The following ADGRB3 variants were observed in gnomAD, a reference collection of about 807,000 sequenced individuals.
The protein encoded by ADGRB3 is brain-specific angiogenesis inhibitor 3.
In ADGRB3, 37 loss-of-function variants were observed where a neutral mutation model predicts 193.4. The ratio of observed to expected loss-of-function variants is 0.19; its 90% confidence interval spans 0.15 to 0.25. The LOEUF is 0.25. Ranked by LOEUF, ADGRB3 falls within the 10% of genes least tolerant of loss-of-function variation. The probability of loss-of-function intolerance (pLI) is 1.00; values close to 1 mark genes in which losing one functional copy is unlikely to be tolerated. For synonymous variants in ADGRB3, 690 were observed against 644.2 expected, an observed-to-expected ratio of 1.07 and a Z score of -1.08; for missense variants, 1,637 against 1,852.9, an observed-to-expected ratio of 0.88 and a Z score of 2.14.
At chr6:69,331,969 T>A in intron 23 of ADGRB3, 2 of 985,338 alleles carry the variant, frequency 2.0e-6, no homozygotes, top group Non-Finnish European at 2.4e-6. Context: ...ATGTTTTGCA[T>A]CTTCCTTACG....
At chr6:68,741,980 G>C (rs571876788) in intron 3 of ADGRB3, among the ~76,000 whole-genome samples, 29 of 152,252 alleles carry the variant, frequency 1.9e-4, no homozygotes, top group Middle Eastern at 3.4e-3. Flanking sequence ...TTGAACACAA[G>C]TTTCTGTGTT....
At chr6:68,681,738 T>C (rs1764900890) in intron 3 of ADGRB3, among the ~76,000 whole-genome samples, 1 of 152,212 alleles carries the variant, frequency 6.6e-6, no homozygotes, top group Non-Finnish European at 1.5e-5. Context: ...AATTAGATTA[T>C]AATAGGACTA....
intron 3 of ADGRB3, among the ~76,000 whole-genome samples, chr6:68,923,968 A>G (rs986927895): frequency 6.6e-6 from 1 of 152,110 alleles, no homozygotes; most frequent in Non-Finnish European, 1.5e-5. Flanking sequence ...GGTGTTAACA[A>G]TTATAGTAAA....
chr6:68,741,058 G>A (rs1308108474), intron 3 of ADGRB3, among the ~76,000 whole-genome samples: 1 of 152,074 alleles, frequency 6.6e-6, no homozygotes, highest in Non-Finnish European at 1.5e-5. Context: ...GGACAAACAT[G>A]GAAGTTGGTG....
intron 13 of ADGRB3, among the ~76,000 whole-genome samples, chr6:69,026,518 G>A (rs546801972): frequency 1.3e-5 from 2 of 152,318 alleles, no homozygotes; most frequent in East Asian, 3.9e-4. Context: ...AAGGGAGAGG[G>A]AAGTGAAGCT....
At chr6:69,261,634 G>C (rs1386540935) in intron 20 of ADGRB3, among the ~76,000 whole-genome samples, 1 of 151,886 alleles carries the variant, frequency 6.6e-6, no homozygotes, top group Non-Finnish European at 1.5e-5. Flanking sequence ...ATGAACCTGT[G>C]TCTCTTGGGA....
At chr6:68,961,437 ATATACACATACAC>A (rs1768230247) in intron 8 of ADGRB3, among the ~76,000 whole-genome samples, 2 of 152,282 alleles carry the variant, frequency 1.3e-5, no homozygotes, top group African/African-American at 4.8e-5. Context: ...ATTAGCTAAT[ATATACACATACAC>A]TTATAAAATA....
At chr6:69,207,307 T>A (rs1419969487) in intron 17 of ADGRB3, among the ~76,000 whole-genome samples, 1 of 152,190 alleles carries the variant, frequency 6.6e-6, no homozygotes, top group Non-Finnish European at 1.5e-5. Flanking sequence ...CATCCCTTGA[T>A]TCTGGACCCC....
In ADGRB3 at chr6:68,863,746, T is replaced by C. The variant is rs1465870849; in HGVS notation, c.758-66813T>C. On this transcript the variant is annotated intron_variant, in intron 3 of 31. Coordinates refer to ENST00000370598, the MANE Select transcript of ADGRB3 (RefSeq NM_001704.3). The stretch of plus-strand genomic sequence containing the variant: ...GCTAAGTTTTCCAAATGGCTGATGA[T>C]TATTGCCTGTAAGCTCAGAAATCAG... Among the ~76,000 whole-genome samples, 3 of 152,286 alleles carry C rather than the reference T, an allele frequency of 2.0e-5. No homozygotes were observed. In the East Asian group the frequency reaches 5.8e-4, roughly 29 times the overall value.
chr6:69,188,973 C>T (rs1765126660), intron 17 of ADGRB3, among the ~76,000 whole-genome samples: 2 of 152,060 alleles, frequency 1.3e-5, no homozygotes, highest in Admixed American at 6.5e-5. Context: ...CACAAATGCT[C>T]TTTGGTATTT....
At chr6:68,796,030 A>G (rs999105712) in intron 3 of ADGRB3, among the ~76,000 whole-genome samples, 1 of 152,154 alleles carries the variant, frequency 6.6e-6, no homozygotes, top group Non-Finnish European at 1.5e-5. Context: ...CCTGTGCTTA[A>G]GAATCATTGA....
chr6:69,350,225 G>A (rs954354394), intron 26 of ADGRB3, among the ~76,000 whole-genome samples: 1 of 151,838 alleles, frequency 6.6e-6, no homozygotes, highest in Non-Finnish European at 1.5e-5. Flanking sequence ...TGCATGGTTA[G>A]ATTCTTTTCA....
intron 13 of ADGRB3, among the ~76,000 whole-genome samples, chr6:69,023,519 T>C (rs190141764): frequency 3.2e-4 from 48 of 152,218 alleles, no homozygotes; most frequent in African/African-American, 1.1e-3. Flanking sequence ...GTTGAAATTG[T>C]GCTTGGGGAA....
chr6:69,376,431 CTCTGAGTTTTTAATGAGCTCCATACT>C (rs1369699162), intron 30 of ADGRB3, among the ~76,000 whole-genome samples: 2 of 151,802 alleles, frequency 1.3e-5, no homozygotes, highest in Non-Finnish European at 2.9e-5. Flanking sequence ...TAGGATATTT[CTCTGAGTTTTTAATGAGCTCCATACT>C]TCCACTATTT....
At chr6:69,297,672 GA>G (rs774953951) in intron 20 of ADGRB3, among the ~76,000 whole-genome samples, 2 of 151,912 alleles carry the variant, frequency 1.3e-5, no homozygotes. Context: ...AAAGAAGGGT[GA>G]ATATGTTGGT....
chr6:68,999,563 C>T (rs1769504293), intron 11 of ADGRB3, among the ~76,000 whole-genome samples: 1 of 152,176 alleles, frequency 6.6e-6, no homozygotes, highest in Non-Finnish European at 1.5e-5. Flanking sequence ...TGCGCCCAGC[C>T]AGATTTCCCT....
chr6:68,808,817 C>T (rs928547280), intron 3 of ADGRB3, among the ~76,000 whole-genome samples: 7 of 152,006 alleles, frequency 4.6e-5, no homozygotes, highest in African/African-American at 1.7e-4. Flanking sequence ...CTTTGCATAA[C>T]CAGCTGTTAT....
chr6:68,913,591 G>GA (rs947340470), intron 3 of ADGRB3, among the ~76,000 whole-genome samples: 1 of 152,116 alleles, frequency 6.6e-6, no homozygotes, highest in Non-Finnish European at 1.5e-5. Context: ...CAAAGATGGG[G>GA]AAAAAACAGA....
rs544096830 is a variant in ADGRB3 at position 68,650,374 on chromosome 6, C to T, written c.757+10942C>T. ...ATTGCATCACAATTTTTAAAAATTG[C>T]ATAATACACATACGTTCATATACAT... On this transcript the variant is annotated intron_variant, in intron 3 of 31. Transcript: ENST00000370598. 3.2e-3 allele frequency among the ~76,000 whole-genome samples: 490 copies of T among 151,716 alleles called. 3 individuals are homozygous for T. The highest frequency in any genetic ancestry group is 0.011 in the African/African-American group (467 of 41,362).
Sources: gnomAD v4.1 joint callset for allele counts (sites outside exome capture counted in the v4.1 genomes callset) on GRCh38, gnomAD v4.1.1 for gene constraint, MANE v1.5 for transcripts, NCBI Gene and HGNC (gene_info 2026-07-23, HGNC 2026-07-21) for gene names.